The following ZFHX4 variants were observed in gnomAD, a reference collection of about 807,000 sequenced individuals.
ZFHX4 encodes zinc finger homeobox 4.
In ZFHX4, 56 loss-of-function variants were observed where a neutral mutation model predicts 267.6. The ratio of observed to expected loss-of-function variants is 0.21; its 90% CI spans 0.17 to 0.26. ZFHX4 has a LOEUF of 0.26. ZFHX4 is among the 10% of genes least tolerant of loss of function. The probability of loss-of-function intolerance (pLI) is 1.00; values close to 1 mark genes in which losing one functional copy is unlikely to be tolerated. For synonymous variants in ZFHX4, 1,778 were observed against 1,665.6 expected (o/e 1.07, Z -1.64); for missense variants, 4,332 against 4,420.0 (o/e 0.98, Z 0.56).
At chr8:76,750,791 AT>A (rs1307781561) in intron 3 of ZFHX4, among the ~76,000 whole-genome samples, 2 of 152,156 alleles carry the variant, frequency 1.3e-5, no homozygotes, top group Non-Finnish European at 2.9e-5. Context: ...CCAGGAATGA[AT>A]CTAAATATAC....
At chr8:76,690,545 T>C (rs896183581) in intron 1 of ZFHX4, among the ~76,000 whole-genome samples, 1 of 152,046 alleles carries the variant, frequency 6.6e-6, no homozygotes, top group African/African-American at 2.4e-5. Flanking sequence ...TTTTCAAAAA[T>C]ATAGTGCTTA....
At chr8:76,689,681 C>A (rs190719266) in intron 1 of ZFHX4, among the ~76,000 whole-genome samples, 32 of 152,168 alleles carry the variant, frequency 2.1e-4, no homozygotes, top group South Asian at 4.1e-4. Flanking sequence ...CACAAGTTGC[C>A]TTGAAAGTTT....
At chr8:76,686,204 C>T (rs1267449172) in intron 1 of ZFHX4, among the ~76,000 whole-genome samples, 1 of 152,184 alleles carries the variant, frequency 6.6e-6, no homozygotes, top group African/African-American at 2.4e-5. Context: ...AAAAAACGTA[C>T]ACCAGACTCG....
At chr8:76,755,174 C>T (rs1433316991) in intron 3 of ZFHX4, among the ~76,000 whole-genome samples, 2 of 151,946 alleles carry the variant, frequency 1.3e-5, no homozygotes, top group African/African-American at 4.8e-5. Context: ...CACAATTTTT[C>T]ATTGAGTTAT....
chr8:76,837,006 A>G (rs553970175), intron 5 of ZFHX4, among the ~76,000 whole-genome samples: 1 of 152,120 alleles, frequency 6.6e-6, no homozygotes, highest in Non-Finnish European at 1.5e-5. Context: ...GCAATGGTAA[A>G]GTTGGGGAAA....
At chr8:76,698,949 G>A (rs1252404997) in intron 1 of ZFHX4, among the ~76,000 whole-genome samples, 2 of 152,092 alleles carry the variant, frequency 1.3e-5, no homozygotes, top group Non-Finnish European at 2.9e-5. Flanking sequence ...GTGCTGGGAA[G>A]GTAGGAGGGT....
In ZFHX4 at chr8:76,792,423, G is replaced by A. The variant is rs117581448; in HGVS notation, c.3325+13984G>A. Among the ~76,000 whole-genome samples the A allele has an allele frequency of 1.0e-3, 155 of 152,152 alleles. 1 individual carries two copies. In the East Asian group the frequency reaches 0.026, roughly 25 times the overall value. On this transcript the variant is annotated intron_variant, in intron 4 of 10. Coordinates refer to ENST00000651372, the MANE Select transcript of ZFHX4 (RefSeq NM_024721.5). Reference sequence around the variant, plus strand: ...CAGTTTCGCAAGATTTGTGCCTCAAGGAGCAAAAGAAAATGACTCCAGAAT... The same window carrying A: ...CAGTTTCGCAAGATTTGTGCCTCAAAGAGCAAAAGAAAATGACTCCAGAAT...
chr8:76,845,473 T>C (rs1000721233), intron 6 of ZFHX4, among the ~76,000 whole-genome samples: 7 of 152,068 alleles, frequency 4.6e-5, no homozygotes, highest in Non-Finnish European at 7.4e-5. Flanking sequence ...ATTAAAATTA[T>C]CCTTTCATTC....
At chr8:76,784,780 A>T (rs1810644914) in intron 4 of ZFHX4, among the ~76,000 whole-genome samples, 1 of 152,086 alleles carries the variant, frequency 6.6e-6, no homozygotes, top group Non-Finnish European at 1.5e-5. Context: ...ACTCAAGTGA[A>T]TTTTTATTAT....
rs902153256 is a variant in ZFHX4 at position 76,854,763 on chromosome 8, G to A, written c.7842G>A (p.Pro2614=). 3.7e-6 allele frequency: 6 copies of A among 1,610,756 alleles called. No homozygotes were observed. The highest frequency in any genetic ancestry group is 2.7e-5 in the African/African-American group (2 of 74,602). ...AACGCTTGAGAACCACGATCACCCC[G>A]GAACAGCTGGAAATACTCTATGAAA... ...RDKRLRTTIT[P]EQLEILYEKY... Residue 2614 remains proline (P), a synonymous_variant, in exon 10 of 11, where the codon CCG becomes CCA. Transcript: ENST00000651372.
chr8:76,854,251 G>A lies in ZFHX4; in HGVS notation c.7330G>A (p.Ala2444Thr). Reference sequence around the variant, plus strand: ...CTCGGACCCACCACAGGCATCCACAGCCCAGCCACAGCCACAGCCACAGCC... The same window carrying A: ...CTCGGACCCACCACAGGCATCCACAACCCAGCCACAGCCACAGCCACAGCC... ...TSSDPPQASTAQPQPQPQPPK... is the reference protein window; with the variant it reads ...TSSDPPQASTTQPQPQPQPPK... The change falls in exon 10 of 11, where the codon GCC (alanine) becomes ACC (threonine). Residue 2444 changes from alanine to threonine, a missense_variant. Physicochemically the swap from Ala to Thr is moderately conservative, Grantham distance 58 (BLOSUM62 0). This residue lies in a region of ZFHX4 where 1,648 missense variants were observed against 1,625.0 expected (regional missense o/e 1.01). Coordinates refer to ENST00000651372, the MANE Select transcript of ZFHX4 (RefSeq NM_024721.5). 2 of 1,572,578 alleles carry A rather than the reference G, an allele frequency of 1.3e-6. No individual in the cohort carries two copies. Among genetic ancestry groups the A allele is most frequent in the African/African-American group, 1.4e-5 (1 of 73,834 alleles).
chr8:76,758,329 CA>C (rs1314118251), intron 3 of ZFHX4, among the ~76,000 whole-genome samples: 1 of 151,830 alleles, frequency 6.6e-6, no homozygotes, highest in Admixed American at 6.6e-5. Flanking sequence ...GAAGATACCT[CA>C]AAATAAAGAA....
In ZFHX4 at chr8:76,864,309, A is replaced by G. The variant is rs1251191070; in HGVS notation, c.10595A>G (p.Gln3532Arg). ...SMKSWPNILF[Q>R]ASARRAASPP... ...AAGTCCTGGCCTAATATCCTTTTCC[A>G]AGCGTCTGCCAGGAGAGCTGCTTCT... Residue 3532 changes from glutamine (Q) to arginine (R), a missense_variant, in exon 11 of 11, where the codon CAA becomes CGA. Transcript: ENST00000651372. The G allele has an allele frequency of 9.3e-6, 15 of 1,613,746 alleles. No individual in the cohort carries two copies. Among genetic ancestry groups the G allele is most frequent in the Non-Finnish European group, 1.3e-5 (15 of 1,179,830 alleles).
In ZFHX4 at chr8:76,782,291, G is replaced by A. The variant is rs562943501; in HGVS notation, c.3325+3852G>A. ...TTTTCTTGAAATGTACACTCTGTCT[G>A]GCTATGCTAGTACACAGCCACATGT... On this transcript the variant is annotated intron_variant, in intron 4 of 10. Coordinates refer to ENST00000651372, the MANE Select transcript of ZFHX4 (RefSeq NM_024721.5). The A allele has an allele frequency of 4.0e-4, 148 of 374,094 alleles. 1 individual carries two copies. The highest frequency in any genetic ancestry group is 2.4e-3 in the South Asian group (122 of 49,976). The allele number at this position is 374,094 out of a possible 1,614,324, so 23.2% of individuals were successfully genotyped here. A position where few individuals can be genotyped will look rare whatever the true frequency, so the allele number is the denominator to read the frequency against.
At chr8:76,690,734 C>T (rs1246787682) in intron 1 of ZFHX4, among the ~76,000 whole-genome samples, 1 of 151,958 alleles carries the variant, frequency 6.6e-6, no homozygotes, top group East Asian at 1.9e-4. Context: ...CAGACACACA[C>T]ACACACATAC....
intron 1 of ZFHX4, among the ~76,000 whole-genome samples, chr8:76,682,325 G>T (rs937532264): frequency 6.6e-6 from 1 of 152,162 alleles, no homozygotes; most frequent in South Asian, 2.1e-4. Flanking sequence ...CCCGAAGGTC[G>T]CTTAGTGTGC....
At chr8:76,746,281 C>A (rs762822302) in intron 3 of ZFHX4, among the ~76,000 whole-genome samples, 3 of 152,050 alleles carry the variant, frequency 2.0e-5, no homozygotes, top group Non-Finnish European at 4.4e-5. Context: ...GTTGTGCACG[C>A]CTAGTCCCAG....
chr8:76,709,459 AACT>A (rs1370734940), intron 3 of ZFHX4, among the ~76,000 whole-genome samples: 1 of 152,190 alleles, frequency 6.6e-6, no homozygotes, highest in Non-Finnish European at 1.5e-5. Flanking sequence ...AACAGTTGAC[AACT>A]GTTCAATTGT....
intron 3 of ZFHX4, among the ~76,000 whole-genome samples, chr8:76,760,540 T>G (rs1361509425): frequency 6.6e-6 from 1 of 152,084 alleles, no homozygotes; most frequent in Non-Finnish European, 1.5e-5. Flanking sequence ...GCATGCATTA[T>G]GGAGCTGTGA....
Sources: allele counts gnomAD v4.1 joint callset (sites outside exome capture counted in the v4.1 genomes callset), GRCh38; gene constraint gnomAD v4.1.1; regional missense constraint gnomAD v4.1.1; transcripts MANE v1.5; gene names NCBI Gene and HGNC (gene_info 2026-07-23, HGNC 2026-07-21).